Variants in POTEC observed in about 807,000 individuals in gnomAD.
POTEC encodes ANKRD26-like family B member 2.
In POTEC, 35 loss-of-function variants were observed where a neutral mutation model predicts 62.0. The observed-to-expected ratio is 0.56, with a 90% CI of 0.43 to 0.75. The LOEUF (loss-of-function observed/expected upper bound fraction) is 0.75. POTEC is among the 30% of genes least tolerant of loss of function. The pLI is 0.00. For missense variants in POTEC, 472 were observed against 655.9 expected (o/e 0.72, Z 3.06); for synonymous variants, 156 against 221.5 (o/e 0.70, Z 2.62).
At chr18:14,527,919 C>T (rs892967989) in intron 6 of POTEC, 1 of 152,224 alleles carries the variant, frequency 6.6e-6, no homozygotes, top group Non-Finnish European at 1.5e-5. Context: ...CTGACTACTG[C>T]AAAAGCTTCC....
At chr18:14,541,092 C>T (rs1460805212) in intron 1 of POTEC, among the ~76,000 whole-genome samples, 6 of 152,124 alleles carry the variant, frequency 3.9e-5, no homozygotes, top group African/African-American at 9.7e-5. Context: ...GGTTTCACCA[C>T]GCTGGCCAAG....
rs572043140 is a variant in POTEC at position 14,542,529 on chromosome 18, G to A, written c.521+97C>T. 14 of 1,570,074 alleles carry A rather than the reference G, an allele frequency of 8.9e-6. No homozygotes were observed. The East Asian group carries it at 1.6e-4, about 18-fold the overall frequency. On this transcript the variant is annotated intron_variant, in intron 1 of 10. Transcript: ENST00000358970. ...CACCCAGGGTGGTGTGGGGCCTGCG[G>A]AGGAAGAGAAAGCCTGGCTCCTCCC... is the stretch of plus-strand genomic sequence containing the variant.
At chr18:14,529,282 A>T (rs1409884696) in intron 6 of POTEC, among the ~76,000 whole-genome samples, 1 of 152,158 alleles carries the variant, frequency 6.6e-6, no homozygotes, top group Non-Finnish European at 1.5e-5. Flanking sequence ...GTTCTGTAAC[A>T]TTAGAAAAAT....
intron 9 of POTEC, among the ~76,000 whole-genome samples, chr18:14,518,992 G>A (rs1245031130): frequency 2.0e-5 from 3 of 152,146 alleles, no homozygotes; most frequent in Non-Finnish European, 4.4e-5. Context: ...GATGAAAAGG[G>A]AAGTTTTTAA....
intron 10 of POTEC, among the ~76,000 whole-genome samples, chr18:14,512,735 C>T (rs189927244): frequency 1.3e-5 from 2 of 152,100 alleles, no homozygotes; most frequent in Non-Finnish European, 2.9e-5. Flanking sequence ...TGTGCCACTG[C>T]ACTCCAGCGT....
At chr18:14,535,101 A>G (rs1905668170) in intron 3 of POTEC, 94 bp from the exon 4 acceptor site, 5 of 1,554,438 alleles carry the variant, frequency 3.2e-6, no homozygotes, top group African/African-American at 1.4e-5. Flanking sequence ...ACTCACAGAA[A>G]GTAAATAAAA....
chr18:14,534,376 C>T (rs1165112922), intron 4 of POTEC, among the ~76,000 whole-genome samples: 1 of 151,990 alleles, frequency 6.6e-6, no homozygotes, highest in African/African-American at 2.4e-5. Context: ...AGCTGTTGAA[C>T]CCACAGTATG....
At chr18:14,520,257 A>G (rs1176256111) in intron 9 of POTEC, among the ~76,000 whole-genome samples, 1 of 152,010 alleles carries the variant, frequency 6.6e-6, no homozygotes, top group African/African-American at 2.4e-5. Flanking sequence ...GCTTATAAAA[A>G]TTATACACAT....
chr18:14,525,164 G>A (rs1465267517), intron 6 of POTEC, among the ~76,000 whole-genome samples, 181 bp from the exon 7 acceptor site: 1 of 151,912 alleles, frequency 6.6e-6, no homozygotes, highest in African/African-American at 2.4e-5. Context: ...CACTTGGGGA[G>A]ACACCTGATG....
At chr18:14,514,334 G>A (rs959929693) in intron 9 of POTEC, among the ~76,000 whole-genome samples, 2 of 151,770 alleles carry the variant, frequency 1.3e-5, no homozygotes, top group Admixed American at 6.6e-5. Context: ...GTGACAGAGA[G>A]TGGCTGTAAA....
At chr18:14,513,344 T>A (rs1318857254) in intron 10 of POTEC, among the ~76,000 whole-genome samples, 2 of 152,194 alleles carry the variant, frequency 1.3e-5, no homozygotes, top group Non-Finnish European at 2.9e-5. Flanking sequence ...TAGCAAAACT[T>A]ATTTTTGATA....
intron 9 of POTEC, among the ~76,000 whole-genome samples, chr18:14,520,208 G>A (rs1598477929): frequency 6.6e-6 from 1 of 151,974 alleles, no homozygotes; most frequent in Admixed American, 6.6e-5. Context: ...CATAACAGGT[G>A]TAGTTTTCAA....
At chr18:14,520,413 G>T (rs1409852558) in intron 9 of POTEC, among the ~76,000 whole-genome samples, 2 of 151,624 alleles carry the variant, frequency 1.3e-5, no homozygotes, top group Non-Finnish European at 2.9e-5. Context: ...AAGCTTCAAT[G>T]AGAGTACTTC....
At position 14,542,704 on chromosome 18, in the gene POTEC, C is replaced by T. The variant is rs767689855; in HGVS notation, c.443G>A (p.Trp148Ter). Reference protein sequence around the residue: ...EDLDKLHRAAWWGKVPRKDLI... With the variant: ...EDLDKLHRAA The stretch of plus-strand genomic sequence containing the variant: ...ATCCTTTCTGGGGACCTTACCCCAC[C>T]AGGCAGCTCTGTGGAGCTTGTCCAG... Residue 148 changes from tryptophan (W) to a stop codon, truncating the protein, a stop_gained, in exon 1 of 11, where the codon TGG (tryptophan) becomes TAG (stop). Coordinates refer to ENST00000358970, the MANE Select transcript of POTEC (RefSeq NM_001137671.2). LOFTEE classifies it high-confidence loss of function. 3.1e-6 allele frequency: 5 copies of T among 1,613,176 alleles called. No homozygotes were observed. Among genetic ancestry groups the T allele is most frequent in the Middle Eastern group, 3.7e-4 (2 of 5,402 alleles).
At position 14,525,182 on chromosome 18, in the gene POTEC, C is replaced by G. The variant is rs560367178; in HGVS notation, c.1127-199G>C. On this transcript the variant is annotated intron_variant, in intron 6 of 10. Coordinates refer to ENST00000358970, the MANE Select transcript of POTEC (RefSeq NM_001137671.2). ...TTGGGGAGACACCTGATGTGATTCA[C>G]TCACAAATTCATCCACCCCACATAA... Among the ~76,000 whole-genome samples the G allele has an allele frequency of 9.0e-4, 136 of 151,504 alleles. 1 individual carries two copies. The highest frequency in any genetic ancestry group is 3.1e-3 in the African/African-American group (129 of 41,418).
intron 5 of POTEC, among the ~76,000 whole-genome samples, chr18:14,531,307 G>C (rs577917785): frequency 7.5e-4 from 112 of 149,878 alleles, no homozygotes; most frequent in Admixed American, 1.2e-3. Context: ...TGGATGTTAA[G>C]ACCTGGCTTG....
chr18:14,513,014 T>C (rs1484759126), intron 10 of POTEC, among the ~76,000 whole-genome samples: 1 of 152,268 alleles, frequency 6.6e-6, no homozygotes, highest in Non-Finnish European at 1.5e-5. Flanking sequence ...CTCTTTATAA[T>C]GTTTGAAACA....
At chr18:14,515,265 C>T (rs1056602252) in intron 9 of POTEC, among the ~76,000 whole-genome samples, 2 of 152,158 alleles carry the variant, frequency 1.3e-5, no homozygotes, top group African/African-American at 4.8e-5. Flanking sequence ...GCAAAAGGAA[C>T]AAACATGTTG....
chr18:14,520,865 G>A (rs1287577155), intron 9 of POTEC, among the ~76,000 whole-genome samples: 1 of 152,112 alleles, frequency 6.6e-6, no homozygotes, highest in Non-Finnish European at 1.5e-5. Context: ...GTCCTAGCCA[G>A]TAGAAAGGCT....
Sources: allele counts gnomAD v4.1 joint callset (sites outside exome capture counted in the v4.1 genomes callset), GRCh38; gene constraint gnomAD v4.1.1; transcripts MANE v1.5; gene names NCBI Gene and HGNC (gene_info 2026-07-23, HGNC 2026-07-21).